The following BAZ2A variants were observed in gnomAD, a reference collection of about 807,000 sequenced individuals.
BAZ2A encodes bromodomain adjacent to zinc finger domain protein 2A.
In BAZ2A, 34 loss-of-function variants were observed where a neutral mutation model predicts 199.9. The ratio of observed to expected loss-of-function variants is 0.17; its 90% CI spans 0.13 to 0.23. The LOEUF (loss-of-function observed/expected upper bound fraction) is 0.23. Ranked by LOEUF, BAZ2A falls within the 10% of genes least tolerant of loss-of-function variation. The pLI is 1.00. For missense variants in BAZ2A, 2,002 were observed against 2,391.1 expected, an observed-to-expected ratio of 0.84 and a Z score of 3.39; for synonymous variants, 857 against 883.9, an observed-to-expected ratio of 0.97 and a Z score of 0.54.
At chr12:56,630,747 G>C (rs113612004), upstream of BAZ2A, 14 of 974,310 alleles carry the variant, frequency 1.4e-5, no homozygotes, top group African/African-American at 2.1e-4. Context: ...AAAGGGATGG[G>C]GAGAGGCAAG....
chr12:56,630,157 T>A lies in BAZ2A; in HGVS notation c.-35A>T, dbSNP rs1951259325. 1.0e-6 allele frequency: 1 copy of A among 985,406 alleles called. No individual in the cohort carries two copies. The highest frequency in any genetic ancestry group is 1.2e-6 in the Non-Finnish European group (1 of 830,024). 61.0% of individuals were successfully genotyped at this position (985,406 alleles called of 1,614,324 possible). A position where few individuals can be genotyped will look rare whatever the true frequency, so the allele number is the denominator to read the frequency against. Reference sequence around the variant, plus strand: ...AGCGGCGTCCAGCCGGGCTCGGGGCTCGTCTCTCCCCGGGGTACAAGCGGT... The same window carrying A: ...AGCGGCGTCCAGCCGGGCTCGGGGCACGTCTCTCCCCGGGGTACAAGCGGT... On this transcript the variant is annotated 5_prime_UTR_variant, in exon 1 of 29. Transcript: ENST00000549884.
upstream of BAZ2A, chr12:56,635,158 C>G (rs768134041): frequency 5.0e-4 from 247 of 491,520 alleles, no homozygotes; most frequent in Non-Finnish European, 6.1e-4. This position sits in a 1 kb window ranked among gnomAD's most constrained non-coding sequence, Gnocchi z 4.1. Flanking sequence ...CGGGTGGCGT[C>G]TCCTAGGGGC....
intron 1 of BAZ2A, 78 bp from the exon 2 acceptor site, chr12:56,617,610 A>G (rs1348502964): frequency 6.9e-7 from 1 of 1,450,672 alleles, no homozygotes; most frequent in African/African-American, 1.4e-5. Context: ...TCCAGGGGCA[A>G]TGACCCCTCC....
At chr12:56,610,831 G>C (rs1256750301) in intron 7 of BAZ2A, among the ~76,000 whole-genome samples, 1 of 152,072 alleles carries the variant, frequency 6.6e-6, no homozygotes, top group Non-Finnish European at 1.5e-5. Context: ...GGCAGTTACT[G>C]GATTTCCAGT....
chr12:56,623,114 T>TAGTC (rs1047426759), intron 1 of BAZ2A, among the ~76,000 whole-genome samples: 2 of 151,976 alleles, frequency 1.3e-5, no homozygotes, highest in Admixed American at 1.3e-4. Flanking sequence ...CGGGCACCTG[T>TAGTC]AGTCCTACCT....
rs1449536825 is a variant in BAZ2A, at chr12:56,606,666, T to C, written c.2160A>G (p.Gln720=). 7 of 1,613,970 alleles carry C rather than the reference T, an allele frequency of 4.3e-6. No individual in the cohort carries two copies. Among genetic ancestry groups the C allele is most frequent in the Non-Finnish European group, 5.9e-6 (7 of 1,179,876 alleles). Residue 720 remains glutamine, a synonymous_variant, in exon 11 of 29, where the codon CAA becomes CAG. Transcript: ENST00000549884. The part of the protein sequence containing the change: ...KSKKKMRQKV[Q]RGECQTTIQG... ...GGATAGTAGTCTGACACTCTCCCCG[T>C]TGAACCTTCTGCCTCATCTTCTTCT...
intron 19 of BAZ2A, among the ~76,000 whole-genome samples, chr12:56,602,419 C>T (rs957267439): frequency 5.9e-5 from 9 of 152,126 alleles, no homozygotes; most frequent in South Asian, 2.1e-4. Flanking sequence ...ACATTTATTG[C>T]GAAACAACTA....
Position 56,599,720 on chromosome 12 carries a change from A to G in BAZ2A, c.5154T>C (p.Cys1718=). ...GCCTTACCTGAGCCAAACAGACAGT[A>G]CAGAACCAATCTCCTTCTGGGACAG... ...MEAVPEGDWF[C]TVCLAQQVEG... Residue 1718 remains cysteine (C), a synonymous_variant, in exon 26 of 29, where the codon TGT becomes TGC. Coordinates refer to ENST00000549884, the MANE Select transcript of BAZ2A (RefSeq NM_001300905.2). The G allele has an allele frequency of 6.2e-7, 1 of 1,613,858 alleles. No individual in the cohort carries two copies. Among genetic ancestry groups the G allele is most frequent in the Non-Finnish European group, 8.5e-7 (1 of 1,179,906 alleles).
intron 10 of BAZ2A, among the ~76,000 whole-genome samples, chr12:56,609,127 C>T (rs1458684637): frequency 6.6e-6 from 1 of 152,048 alleles, no homozygotes; most frequent in East Asian, 1.9e-4. Context: ...ATCCGCCCGC[C>T]TTGGCCTTCC....
At chr12:56,605,656 A>G (rs1950322919) in intron 13 of BAZ2A, 174 bp downstream of exon 13, 1 of 744,460 alleles carries the variant, frequency 1.3e-6, no homozygotes, top group East Asian at 2.7e-5. Flanking sequence ...TGCTGGGCTC[A>G]AGCGATCTGC....
At position 56,635,541 on chromosome 12, in the gene BAZ2A, C is replaced by G. The variant is rs1442365928; in HGVS notation, c.4+641G>C. Among the ~76,000 whole-genome samples, 22 of 152,176 alleles carry G rather than the reference C, an allele frequency of 1.4e-4. No individual in the cohort carries two copies. The highest frequency in any genetic ancestry group is 1.4e-3 in the Admixed American group (22 of 15,284). On this transcript the variant is annotated intron_variant, in intron 1 of 29. Transcript: ENST00000379441. This position sits in a 1 kb window ranked among gnomAD's most constrained non-coding sequence, Gnocchi z 4.1. ...AGGCAAAAACCTCCTATCCTCTCAACCTCAATCCTGCGTCCCACTCAGTGC... is the reference window on the plus strand; with the variant it reads ...AGGCAAAAACCTCCTATCCTCTCAAGCTCAATCCTGCGTCCCACTCAGTGC...
chr12:56,615,197 T>C lies in BAZ2A; in HGVS notation c.547A>G (p.Ser183Gly). The change falls in exon 3 of 29, where the codon AGT becomes GGT. Residue 183 changes from serine to glycine, a missense_variant. By Grantham distance (56) the Ser-to-Gly change is moderately conservative. Coordinates refer to ENST00000549884, the MANE Select transcript of BAZ2A (RefSeq NM_001300905.2). Reference protein sequence around the residue: ...NFEVMPNGPPSFFTSPQTSPM... With the variant: ...NFEVMPNGPPGFFTSPQTSPM... ...GAAGTCTGTGGGGAGGTGAAAAAACTAGGGGGTCCATTGGGCATCACCTCA... is the reference window on the plus strand; with the variant it reads ...GAAGTCTGTGGGGAGGTGAAAAAACCAGGGGGTCCATTGGGCATCACCTCA... The C allele has an allele frequency of 6.2e-7, 1 of 1,613,612 alleles. No homozygotes were observed. The highest frequency in any genetic ancestry group is 8.5e-7 in the Non-Finnish European group (1 of 1,179,732).
At position 56,601,032 on chromosome 12, in the gene BAZ2A, T is replaced by C; in HGVS notation, c.4361A>G (p.His1454Arg). The C allele has an allele frequency of 6.2e-7, 1 of 1,610,198 alleles. No homozygotes were observed. The highest frequency in any genetic ancestry group is 8.5e-7 in the Non-Finnish European group (1 of 1,178,214). ...TGCCTTCTCCCGGATACCTCGGGGG[T>C]GTAGGGCCTTGAGCATGGCATCCAA... ...EMLDAMLKAL[H>R]PRGIREKALH... The change falls in exon 22 of 29, where the codon CAC becomes CGC. Residue 1454 changes from histidine (H) to arginine (R), a missense_variant. Around this residue, in one of 6 missense-constraint regions of BAZ2A, gnomAD observed 1,081 missense variants for 1,274.7 expected, o/e 0.85. Transcript: ENST00000549884.
intron 5 of BAZ2A, 40 bp downstream of exon 5, chr12:56,612,975 C>A: frequency 6.4e-7 from 1 of 1,560,178 alleles, no homozygotes; most frequent in Admixed American, 1.7e-5. Context: ...CATCTTTTCT[C>A]AGGTAAAGGT....
At chr12:56,611,694 T>C (rs1050299735) in intron 6 of BAZ2A, 61 bp from the exon 7 acceptor site, 19 of 1,545,984 alleles carry the variant, frequency 1.2e-5, no homozygotes, top group Middle Eastern at 1.7e-4. Flanking sequence ...AATAGGCCAA[T>C]AGGGAAAGGC....
In BAZ2A at chr12:56,600,789, C is replaced by T. The variant is rs114230223; in HGVS notation, c.4494G>A (p.Gly1498=). The change falls in exon 23 of 29, where the codon GGG becomes GGA. Residue 1498 remains glycine, a synonymous_variant. Transcript: ENST00000549884. ...TCTCTTTGGGGGACCAGCTCATAAT[C>T]CCTTCTTGAAAGGCAGGTAGTTGCC... The part of the protein sequence containing the change: ...EPRQLPAFQE[G]IMSWSPKEKT... 3.8e-4 allele frequency: 607 copies of T among 1,613,904 alleles called. 2 individuals are homozygous for T. The African/African-American group carries it at 3.8e-3, about 10-fold the overall frequency.
intron 1 of BAZ2A, among the ~76,000 whole-genome samples, chr12:56,629,372 T>C (rs1291225831): frequency 1.3e-5 from 2 of 152,200 alleles, no homozygotes; most frequent in Admixed American, 6.5e-5. Flanking sequence ...TGATGCGGTA[T>C]CATCTTTCTG....
rs952113130 is a variant in BAZ2A, at chr12:56,598,534, G to A, written c.*84C>T. On this transcript the variant is annotated 3_prime_UTR_variant, in exon 29 of 29. Transcript: ENST00000549884. ...GTATCTGACTTGAGTCTGGACCCAG[G>A]GCAGCATCAGCAGGTGAAAATGGCA... The A allele has an allele frequency of 6.6e-7, 1 of 1,505,494 alleles. No homozygotes were observed. Among genetic ancestry groups the A allele is most frequent in the Non-Finnish European group, 8.9e-7 (1 of 1,121,630 alleles). The allele number at this position is 1,505,494 out of a possible 1,614,324, so 93.3% of individuals were successfully genotyped here. A position where few individuals can be genotyped will look rare whatever the true frequency, so the allele number is the denominator to read the frequency against.
chr12:56,632,048 T>C (rs1167534887), upstream of BAZ2A, among the ~76,000 whole-genome samples: 1 of 151,956 alleles, frequency 6.6e-6, no homozygotes, highest in African/African-American at 2.4e-5. Context: ...GTGGAGGGAA[T>C]AGGCAGGTGG....
Sources: gnomAD v4.1 joint callset for allele counts (sites outside exome capture counted in the v4.1 genomes callset) on GRCh38, gnomAD v4.1.1 for gene constraint, gnomAD v4.1.1 regional missense constraint, Gnocchi (gnomAD v3.1) non-coding constraint, MANE v1.5 for transcripts, NCBI Gene and HGNC (gene_info 2026-07-23, HGNC 2026-07-21) for gene names.